Variants in PAX2 observed in about 807,000 individuals in gnomAD.
The protein encoded by PAX2 is paired box 2.
Under a neutral mutation model 41.7 loss-of-function variants are expected in PAX2, and 9 were observed. That is an observed-to-expected ratio of 0.22 (90% CI 0.13 to 0.38). The LOEUF (loss-of-function observed/expected upper bound fraction) is 0.38. PAX2 is among the 10% of genes least tolerant of loss of function. The probability of loss-of-function intolerance (pLI) is 1.00; values close to 1 mark genes in which losing one functional copy is unlikely to be tolerated. For missense variants in PAX2, 418 were observed against 531.6 expected, an observed-to-expected ratio of 0.79 and a Z score of 2.10; for synonymous variants, 221 against 212.7, an observed-to-expected ratio of 1.04 and a Z score of -0.34.
At chr10:100,802,005 G>A (rs879902234) in intron 5 of PAX2, among the ~76,000 whole-genome samples, 3 of 152,242 alleles carry the variant, frequency 2.0e-5, no homozygotes, top group Non-Finnish European at 2.9e-5. Flanking sequence ...TAACAGCAAT[G>A]GCATGTAATG....
Position 100,790,607 on chromosome 10 carries a change from C to T in PAX2, c.616+9242C>T, listed in dbSNP as rs535965365. ...CTACTCCTGAGTTCACCTCCCTGGG[C>T]GCCTCTTCCTCTGCAGACAAGCAGG... On this transcript the variant is annotated intron_variant, in intron 5 of 9. Coordinates refer to ENST00000355243, the MANE Select transcript of PAX2 (RefSeq NM_000278.5). 2.4e-4 allele frequency among the ~76,000 whole-genome samples: 37 copies of T among 152,322 alleles called. 1 individual carries two copies. The East Asian group carries it at 6.8e-3, about 28-fold the overall frequency.
At chr10:100,765,619 T>C (rs1845992805) in intron 3 of PAX2, among the ~76,000 whole-genome samples, 1 of 152,224 alleles carries the variant, frequency 6.6e-6, no homozygotes, top group South Asian at 2.1e-4. Flanking sequence ...AGTCAAGGGC[T>C]GCCTATTCAT....
chr10:100,804,674 A>G (rs1435920103), intron 5 of PAX2, among the ~76,000 whole-genome samples: 1 of 152,090 alleles, frequency 6.6e-6, no homozygotes, highest in East Asian at 1.9e-4. Context: ...GAAGCTTCTC[A>G]TTCTATTTCC....
In PAX2 at chr10:100,827,107, A is replaced by G. The variant is rs760673776; in HGVS notation, c.1108+12A>G. ...CCCCGCCTTACTAAGTGAGTACGCC[A>G]CCTGGCTGGCCGGCGGCTCAGCGCG... On this transcript the variant is annotated intron_variant, in intron 9 of 9. Transcript: ENST00000355243. This position sits in a 1 kb window ranked among gnomAD's most constrained non-coding sequence, Gnocchi z 8.5. The G allele has an allele frequency of 6.2e-7, 1 of 1,604,886 alleles. No individual in the cohort carries two copies. Among genetic ancestry groups the G allele is most frequent in the Non-Finnish European group, 8.5e-7 (1 of 1,171,824 alleles).
chr10:100,794,561 T>C (rs954064856), intron 5 of PAX2, among the ~76,000 whole-genome samples: 2 of 152,142 alleles, frequency 1.3e-5, no homozygotes, highest in South Asian at 4.1e-4. Context: ...GTTCCTGCCC[T>C]TGGAGTTCCC....
At position 100,828,936 on chromosome 10, in the gene PAX2, G is replaced by A. The variant is rs546475974; in HGVS notation, c.*1317G>A. 5.6e-5 allele frequency: 9 copies of A among 162,094 alleles called. No individual in the cohort carries two copies. The highest frequency in any genetic ancestry group is 5.3e-4 in the East Asian group (4 of 7,496). 10.0% of individuals were successfully genotyped at this position (162,094 alleles called of 1,614,324 possible). ...CTCCCCCTCCGCCCCGCCCCGCCCGGCCCCGTAGAGTCCCTGTCGCCCGCC... is the reference window on the plus strand; with the variant it reads ...CTCCCCCTCCGCCCCGCCCCGCCCGACCCCGTAGAGTCCCTGTCGCCCGCC... On this transcript the variant is annotated 3_prime_UTR_variant, in exon 10 of 10. Transcript: ENST00000355243. This position sits in a 1 kb window ranked among gnomAD's most constrained non-coding sequence, Gnocchi z 6.5.
At chr10:100,790,679 A>T (rs933163730) in intron 5 of PAX2, among the ~76,000 whole-genome samples, 4 of 152,208 alleles carry the variant, frequency 2.6e-5, no homozygotes, top group African/African-American at 7.2e-5. Context: ...GAGAGGATGT[A>T]GGCTAGGGAG....
chr10:100,786,882 ATCT>A, intron 5 of PAX2: 3 of 1,077,180 alleles, frequency 2.8e-6, no homozygotes, highest in Non-Finnish European at 4.0e-6. Context: ...CCTGCCCCCA[ATCT>A]TCTGCCTGCC....
At chr10:100,797,215 GAAAAC>G (rs1428570252) in intron 5 of PAX2, among the ~76,000 whole-genome samples, 4 of 152,224 alleles carry the variant, frequency 2.6e-5, no homozygotes, top group Admixed American at 6.5e-5. Context: ...GTTCAGAGGA[GAAAAC>G]AAACATTAAA....
At position 100,824,993 on chromosome 10, in the gene PAX2, T is replaced by G; in HGVS notation, c.1021+244T>G. Reference sequence around the variant, plus strand: ...CTTGTGTGCAACCCACTGTATGTCATGGCCCCTCCACAGCGCCCACCCACC... The same window carrying G: ...CTTGTGTGCAACCCACTGTATGTCAGGGCCCCTCCACAGCGCCCACCCACC... On this transcript the variant is annotated intron_variant, in intron 8 of 9. Transcript: ENST00000355243. This position sits in a 1 kb window ranked among gnomAD's most constrained non-coding sequence, Gnocchi z 6.6. 1.2e-6 allele frequency: 2 copies of G among 1,611,842 alleles called. No homozygotes were observed. The highest frequency in any genetic ancestry group is 1.7e-6 in the Non-Finnish European group (2 of 1,178,032).
In PAX2 at chr10:100,824,766, C is replaced by T. The variant is rs765007364; in HGVS notation, c.1021+17C>T. The T allele has an allele frequency of 3.2e-6, 5 of 1,566,150 alleles. No individual in the cohort carries two copies. Among genetic ancestry groups the T allele is most frequent in the Admixed American group, 1.7e-5 (1 of 59,950 alleles). Reference sequence around the variant, plus strand: ...TGGTGCCTGGTAGGTGACAATGCTGCAGCTGCCTAATCTAGGTGGGGGGAA... The same window carrying T: ...TGGTGCCTGGTAGGTGACAATGCTGTAGCTGCCTAATCTAGGTGGGGGGAA... On this transcript the variant is annotated intron_variant, in intron 8 of 9. Transcript: ENST00000355243. The surrounding 1 kb of genome is among the most constrained non-coding windows in gnomAD (Gnocchi z 6.6).
At chr10:100,767,826 T>G (rs1023430879) in intron 3 of PAX2, among the ~76,000 whole-genome samples, 3 of 152,112 alleles carry the variant, frequency 2.0e-5, no homozygotes, top group African/African-American at 7.2e-5. Flanking sequence ...TATTGACACT[T>G]TTTTGGGGAG....
At chr10:100,759,893 G>A (rs1257601151) in intron 3 of PAX2, among the ~76,000 whole-genome samples, 1 of 152,178 alleles carries the variant, frequency 6.6e-6, no homozygotes. Context: ...TCTTTGCTGG[G>A]CCCAACTGCC....
In PAX2 at chr10:100,766,027, A is replaced by G. The variant is rs1390949302; in HGVS notation, c.411-13471A>G. On this transcript the variant is annotated intron_variant, in intron 3 of 9. Coordinates refer to ENST00000355243, the MANE Select transcript of PAX2 (RefSeq NM_000278.5). ...ATTAATTGATTTAAGCATCCTAAAC[A>G]ACCCCATAGGGCTTTATAGGATTGT... Among the ~76,000 whole-genome samples the G allele has an allele frequency of 4.6e-5, 7 of 152,248 alleles. No individual in the cohort carries two copies. The East Asian group carries it at 5.8e-4, about 13-fold the overall frequency.
intron 3 of PAX2, among the ~76,000 whole-genome samples, chr10:100,778,272 T>A (rs1202860352): frequency 6.6e-6 from 1 of 152,202 alleles, no homozygotes; most frequent in Admixed American, 6.5e-5. Context: ...GCTTTGAAGA[T>A]CTACATCAAT....
intron 5 of PAX2, among the ~76,000 whole-genome samples, chr10:100,805,023 TACACACACACA>T (rs1847721101): frequency 5.1e-4 from 48 of 95,020 alleles, no homozygotes; most frequent in Middle Eastern, 5.3e-3. Flanking sequence ...CTCTCTCACA[TACACACACACA>T]CACACACACA....
intron 5 of PAX2, among the ~76,000 whole-genome samples, chr10:100,797,360 G>T (rs1200913625): frequency 6.6e-6 from 1 of 152,220 alleles, no homozygotes; most frequent in Non-Finnish European, 1.5e-5. Flanking sequence ...GCTGCCAGAG[G>T]CATGTTGCCA....
rs772400376 is a variant in PAX2 at position 100,829,803 on chromosome 10, G to C, written c.*2184G>C. On this transcript the variant is annotated 3_prime_UTR_variant, in exon 10 of 10. Transcript: ENST00000355243. ...GCAGAGACCCCGGACCCAGGCCCAGGCCTAACCTGCTAAATGTCCCCGGAC... is the reference window on the plus strand; with the variant it reads ...GCAGAGACCCCGGACCCAGGCCCAGCCCTAACCTGCTAAATGTCCCCGGAC... The C allele has an allele frequency of 4.9e-6, 1 of 202,524 alleles. No homozygotes were observed. The highest frequency in any genetic ancestry group is 1.0e-5 in the Non-Finnish European group (1 of 98,300). 12.5% of individuals were successfully genotyped at this position (202,524 alleles called of 1,614,324 possible).
chr10:100,816,536 C>A (rs1008329389), intron 7 of PAX2, among the ~76,000 whole-genome samples: 7 of 152,188 alleles, frequency 4.6e-5, no homozygotes, highest in Admixed American at 4.6e-4. Context: ...ACCAAGGGCT[C>A]AGAAATGTCT....
Sources: gnomAD v4.1 joint callset for allele counts (sites outside exome capture counted in the v4.1 genomes callset) on GRCh38, gnomAD v4.1.1 for gene constraint, Gnocchi (gnomAD v3.1) non-coding constraint, MANE v1.5 for transcripts, NCBI Gene and HGNC (gene_info 2026-07-23, HGNC 2026-07-21) for gene names.